The following WNK1 variants were observed in gnomAD, a reference collection of about 807,000 sequenced individuals.
The protein encoded by WNK1 is serine/threonine-protein kinase WNK1.
WNK1 carries 38 observed loss-of-function variants against 222.8 expected under a neutral mutation model. The ratio of observed to expected loss-of-function variants is 0.17; its 90% CI spans 0.13 to 0.22. The LOEUF is 0.22. Among genes scored for constraint, WNK1 ranks in the 10% least tolerant of loss-of-function variants. The pLI is 1.00. For synonymous variants in WNK1, 1,090 were observed against 1,092.9 expected (o/e 1.00, Z 0.05); for missense variants, 2,348 against 2,918.4 (o/e 0.80, Z 4.50).
rs1592227091 is a variant in WNK1, at chr12:896,388, C to A, written c.5901C>A (p.Ile1967=). ...CTGTATCAAAAACTGAGGACAAGAT[C>A]ACTGACACAAAGAAAGAAGGACCAG... is the stretch of plus-strand genomic sequence containing the variant. ...RFSVSKTEDK[I]TDTKKEGPVA... The change falls in exon 24 of 28, where the codon ATC becomes ATA. Residue 1967 remains isoleucine (I), a synonymous_variant. Transcript: ENST00000315939. The A allele has an allele frequency of 5.0e-6, 8 of 1,614,124 alleles. No individual in the cohort carries two copies. Among genetic ancestry groups the A allele is most frequent in the Non-Finnish European group, 6.8e-6 (8 of 1,180,022 alleles).
chr12:757,413 CCT>C (rs2153906613), intron 1 of WNK1, among the ~76,000 whole-genome samples: 1 of 149,680 alleles, frequency 6.7e-6, no homozygotes, highest in East Asian at 2.0e-4. Context: ...GCAACCTCCG[CCT>C]CCTGGGTTCA....
rs1953959082 is a variant in WNK1, at chr12:889,134, A to G, written c.5365-6A>G. 4 of 1,613,724 alleles carry G rather than the reference A, an allele frequency of 2.5e-6. No homozygotes were observed. Among genetic ancestry groups the G allele is most frequent in the Non-Finnish European group, 3.4e-6 (4 of 1,179,748 alleles). ...AACTGTATTTACTGTGATTGTTTTC[A>G]TTCAGTCCCAGCAACCTCTAGAGGA... On this transcript the variant is annotated splice_polypyrimidine_tract_variant and splice_region_variant and intron_variant, in intron 20 of 27. Coordinates refer to ENST00000315939, the MANE Select transcript of WNK1 (RefSeq NM_018979.4).
chr12:783,006 C>T (rs7959509), intron 1 of WNK1, among the ~76,000 whole-genome samples: 1 of 151,326 alleles, frequency 6.6e-6, no homozygotes, highest in African/African-American at 2.4e-5. Flanking sequence ...TGGGCTTAAG[C>T]GATCCTCCAG....
intron 9 of WNK1, among the ~76,000 whole-genome samples, chr12:876,008 T>C (rs1008338169): frequency 1.6e-4 from 25 of 152,244 alleles, no homozygotes; most frequent in Non-Finnish European, 3.2e-4. Flanking sequence ...TGTCTTATAT[T>C]CAGAGCACCT....
Position 900,611 on chromosome 12 carries a change from A to G in WNK1, c.6584A>G (p.Tyr2195Cys), listed in dbSNP as rs1224977829. The G allele has an allele frequency of 3.7e-6, 6 of 1,614,192 alleles. No individual in the cohort carries two copies. The highest frequency in any genetic ancestry group is 5.1e-6 in the Non-Finnish European group (6 of 1,180,032). The change falls in exon 26 of 28, where the codon TAT (tyrosine) becomes TGT (cysteine). Residue 2195 changes from tyrosine (Y) to cysteine (C), a missense_variant. By Grantham distance (194) the Tyr-to-Cys change is radical. Transcript: ENST00000315939. ...LKPSPSSDNLYSAFTSDGAIS... is the reference protein window; with the variant it reads ...LKPSPSSDNLCSAFTSDGAIS... ...CCATCTCCCTCCAGTGACAACCTCT[A>G]TTCAGCCTTCACCAGTGATGGTGCC...
At chr12:804,769 T>G (rs1946206930) in intron 1 of WNK1, among the ~76,000 whole-genome samples, 1 of 152,064 alleles carries the variant, frequency 6.6e-6, no homozygotes, top group Admixed American at 6.5e-5. Context: ...TCTGTGAATT[T>G]GCATATGCTA....
intron 4 of WNK1, among the ~76,000 whole-genome samples, chr12:841,926 C>T (rs891307422): frequency 2.6e-5 from 4 of 152,006 alleles, no homozygotes; most frequent in African/African-American, 7.2e-5. Context: ...TCTCATTGGA[C>T]GTTAGATTTC....
intron 9 of WNK1, chr12:877,872 G>A: frequency 2.9e-6 from 1 of 339,080 alleles, no homozygotes; most frequent in Non-Finnish European, 5.6e-6. Context: ...ATAGGGAAAA[G>A]GGAATGGCAG....
chr12:867,698 A>G, intron 8 of WNK1: 2 of 769,406 alleles, frequency 2.6e-6, no homozygotes, highest in East Asian at 2.7e-5. Flanking sequence ...GATGTATTTA[A>G]TGGATTTTTA....
chr12:890,785 G>A (rs1313375589), intron 22 of WNK1, among the ~76,000 whole-genome samples: 1 of 152,174 alleles, frequency 6.6e-6, no homozygotes, highest in African/African-American at 2.4e-5. Context: ...AAAGCATACT[G>A]TATTTAGAAA....
chr12:774,614 CTAAGGGCATGA>C lies in WNK1; in HGVS notation c.759+20302_759+20312del, dbSNP rs547336553. Among the ~76,000 whole-genome samples, 6 of 152,282 alleles carry C rather than the reference CTAAGGGCATGA, an allele frequency of 3.9e-5. No homozygotes were observed. In the South Asian group the frequency reaches 1.2e-3, roughly 32 times the overall value. On this transcript the variant is annotated intron_variant, in intron 1 of 27. Coordinates refer to ENST00000315939, the MANE Select transcript of WNK1 (RefSeq NM_018979.4). Reference sequence around the variant, plus strand: ...AATTTCAGAAATGGAATTACTGGTTCTAAGGGCATGATAAGGGCATGAACATTTAAATACTT... The same window carrying C: ...AATTTCAGAAATGGAATTACTGGTTCTAAGGGCATGAACATTTAAATACTT...
intron 4 of WNK1, among the ~76,000 whole-genome samples, chr12:835,472 G>C (rs1428086903): frequency 6.6e-6 from 1 of 152,174 alleles, no homozygotes; most frequent in African/African-American, 2.4e-5. Flanking sequence ...GGTTTCATAG[G>C]AGAAAAGTTA....
intron 1 of WNK1, among the ~76,000 whole-genome samples, chr12:785,080 T>C (rs1311363930): frequency 8.5e-5 from 13 of 152,346 alleles, no homozygotes; most frequent in African/African-American, 3.1e-4. Flanking sequence ...TATTTTCTTC[T>C]AGCTTCCAGT....
rs1483529366 is a variant in WNK1, at chr12:906,868, A to G, written c.6644-979A>G. Reference sequence around the variant, plus strand: ...TAAGCAACATATGGAGATTCTGTCTATATAAAAAAGTAAAAAATTAACTGG... The same window carrying G: ...TAAGCAACATATGGAGATTCTGTCTGTATAAAAAAGTAAAAAATTAACTGG... On this transcript the variant is annotated intron_variant, in intron 26 of 27. Coordinates refer to ENST00000315939, the MANE Select transcript of WNK1 (RefSeq NM_018979.4). 6.8e-6 allele frequency: 4 copies of G among 591,370 alleles called. No individual in the cohort carries two copies. The East Asian group carries it at 4.3e-4, about 64-fold the overall frequency. 36.6% of individuals were successfully genotyped at this position (591,370 alleles called of 1,614,324 possible).
chr12:868,809 C>T, intron 8 of WNK1: 1 of 1,614,016 alleles, frequency 6.2e-7, no homozygotes, highest in Non-Finnish European at 8.5e-7. Flanking sequence ...TACCATGCCC[C>T]AGAATTGACC....
rs370339079 is a variant in WNK1, at chr12:868,818, C to A, written c.2140-2447C>A. Reference sequence around the variant, plus strand: ...CATAATTACCATGCCCCAGAATTGACCGTTTCTGTGGTAGAGCCTATCGGA... The same window carrying A: ...CATAATTACCATGCCCCAGAATTGAACGTTTCTGTGGTAGAGCCTATCGGA... On this transcript the variant is annotated intron_variant, in intron 8 of 27. Transcript: ENST00000315939. The A allele has an allele frequency of 9.9e-6, 16 of 1,613,928 alleles. No homozygotes were observed. The highest frequency in any genetic ancestry group is 1.4e-5 in the Non-Finnish European group (16 of 1,179,910).
At chr12:867,182 C>A (rs1182616291) in intron 8 of WNK1, among the ~76,000 whole-genome samples, 1 of 152,082 alleles carries the variant, frequency 6.6e-6, no homozygotes, top group African/African-American at 2.4e-5. Context: ...GAAAAATGGA[C>A]ATTTTGTGAT....
At chr12:863,849 G>A (rs1951405953) in intron 8 of WNK1, among the ~76,000 whole-genome samples, 1 of 151,960 alleles carries the variant, frequency 6.6e-6, no homozygotes, top group African/African-American at 2.4e-5. Flanking sequence ...TTAGAAATTA[G>A]AATAAAAGAA....
chr12:802,633 C>A (rs898412667), intron 1 of WNK1, among the ~76,000 whole-genome samples: 1 of 151,924 alleles, frequency 6.6e-6, no homozygotes, highest in Non-Finnish European at 1.5e-5. Flanking sequence ...AAAAAAAAAT[C>A]CTTTACTTAA....
Sources: gnomAD v4.1 joint callset for allele counts (sites outside exome capture counted in the v4.1 genomes callset) on GRCh38, gnomAD v4.1.1 for gene constraint, MANE v1.5 for transcripts, NCBI Gene and HGNC (gene_info 2026-07-23, HGNC 2026-07-21) for gene names.